PIEZO2: variants seen among roughly 807,000 people sequenced by gnomAD.
PIEZO2 encodes the protein piezo type mechanosensitive ion channel component 2.
A neutral mutation model predicts 337.3 loss-of-function variants in PIEZO2; 172 were observed. The observed-to-expected ratio is 0.51, with a 90% CI of 0.45 to 0.58. The LOEUF (loss-of-function observed/expected upper bound fraction) is 0.58, where lower values mean the gene tolerates loss of function less well. PIEZO2 is among the 20% of genes least tolerant of loss of function. The pLI is 0.00. For missense variants in PIEZO2, 3,028 were observed against 3,391.3 expected, an observed-to-expected ratio of 0.89 and a Z score of 2.66; for synonymous variants, 1,251 against 1,228.5, an observed-to-expected ratio of 1.02 and a Z score of -0.38.
rs951851277 is a variant in PIEZO2 at position 10,714,910 on chromosome 18, C to T, written c.5277G>A (p.Glu1759=). ...EIKKGNVPTR[E]SIHMYYQNHI... ...GGTTCTGATAGTACATGTGGATGCT[C>T]TCCCGAGTTGGAACATTGCCCTGAG... The change falls in exon 39 of 56, where the codon GAG becomes GAA. Residue 1759 remains glutamate (E), a synonymous_variant. Coordinates refer to ENST00000674853, the MANE Select transcript of PIEZO2 (RefSeq NM_001378183.1). 4 of 1,536,984 alleles carry T rather than the reference C, an allele frequency of 2.6e-6. No individual in the cohort carries two copies. The Admixed American group carries it at 7.8e-5, about 30-fold the overall frequency.
At chr18:10,875,050 A>T (rs2042235244) in intron 4 of PIEZO2, among the ~76,000 whole-genome samples, 1 of 152,170 alleles carries the variant, frequency 6.6e-6, no homozygotes, top group Admixed American at 6.5e-5. Flanking sequence ...TATTGTATGA[A>T]TGTATCCAAT....
chr18:10,843,314 T>C (rs562505082), intron 7 of PIEZO2, among the ~76,000 whole-genome samples: 141 of 151,746 alleles, frequency 9.3e-4, no homozygotes, highest in African/African-American at 3.3e-3. Flanking sequence ...TCATTTCTTA[T>C]ACGCTCACAC....
Position 11,092,234 on chromosome 18 carries a change from A to T in PIEZO2, c.65-26012T>A, listed in dbSNP as rs1331131899. Among the ~76,000 whole-genome samples, 4 of 152,378 alleles carry T rather than the reference A, an allele frequency of 2.6e-5. No homozygotes were observed. The highest frequency in any genetic ancestry group is 6.5e-5 in the Admixed American group (1 of 15,312). On this transcript the variant is annotated intron_variant, in intron 1 of 55. Transcript: ENST00000674853. The surrounding 1 kb of genome is among the most constrained non-coding windows in gnomAD (Gnocchi z 4.5). ...TTACAAAAACAAAGAACAGGAAATA[A>T]CAATGGGAAAATGGTTGAAGATATT...
chr18:10,843,237 A>G (rs1205139808), intron 7 of PIEZO2, among the ~76,000 whole-genome samples: 1 of 152,162 alleles, frequency 6.6e-6, no homozygotes, highest in Non-Finnish European at 1.5e-5. Flanking sequence ...ACTTTCCAAT[A>G]AAAAGTTTGA....
At chr18:10,737,285 G>GAAAAAAAAAA (rs372133058) in intron 33 of PIEZO2, among the ~76,000 whole-genome samples, 8 of 64,200 alleles carry the variant, frequency 1.2e-4, no homozygotes, top group African/African-American at 8.0e-4. Context: ...CAAGACATTT[G>GAAAAAAAAAA]AAAAAAAAAA....
At position 10,677,151 on chromosome 18, in the gene PIEZO2, T is replaced by C; in HGVS notation, c.8081+596A>G. ...AATGGAAGCCCCAGCGGGCCAGCAC[T>C]TTCCATGCACTGATGAGCTCCCTGT... On this transcript the variant is annotated intron_variant, in intron 53 of 55. Transcript: ENST00000674853. This position sits in a 1 kb window ranked among gnomAD's most constrained non-coding sequence, Gnocchi z 4.1. 6.6e-6 allele frequency among the ~76,000 whole-genome samples: 1 copy of C among 152,220 alleles called. No homozygotes were observed. The highest frequency in any genetic ancestry group is 1.9e-4 in the East Asian group (1 of 5,198).
At chr18:11,056,310 CACCT>C (rs1046087989) in intron 2 of PIEZO2, among the ~76,000 whole-genome samples, 1 of 152,174 alleles carries the variant, frequency 6.6e-6, no homozygotes. Context: ...GTCAAGGAAA[CACCT>C]CCCAGCTGCT....
intron 17 of PIEZO2, 43 bp from the exon 18 acceptor site, chr18:10,780,409 C>G (rs1458603354): frequency 5.7e-6 from 4 of 702,688 alleles, no homozygotes. Context: ...AATGAGGAGA[C>G]AGGTTGGAGA....
chr18:10,720,354 A>T (rs1344505679), intron 36 of PIEZO2, among the ~76,000 whole-genome samples: 2 of 117,300 alleles, frequency 1.7e-5, no homozygotes, highest in South Asian at 2.8e-4. Flanking sequence ...TATATGTCCT[A>T]TATATATTCT....
At chr18:10,722,600 A>G (rs1164543625) in intron 36 of PIEZO2, among the ~76,000 whole-genome samples, 1 of 152,044 alleles carries the variant, frequency 6.6e-6, no homozygotes, top group African/African-American at 2.4e-5. Context: ...TTGACACAAG[A>G]AAAAAAATAA....
At chr18:11,011,659 CTA>C (rs1001035931) in intron 2 of PIEZO2, among the ~76,000 whole-genome samples, 4 of 152,134 alleles carry the variant, frequency 2.6e-5, no homozygotes, top group African/African-American at 9.7e-5. Flanking sequence ...ATTCATTTTT[CTA>C]TCTCTTAACT....
chr18:11,091,721 G>C (rs1046133789), intron 1 of PIEZO2, among the ~76,000 whole-genome samples: 7 of 152,184 alleles, frequency 4.6e-5, no homozygotes, highest in Non-Finnish European at 2.9e-5. Flanking sequence ...CTAGAAAGGG[G>C]TTTGTTCTTG....
At chr18:11,065,363 G>A (rs1463137723) in intron 2 of PIEZO2, among the ~76,000 whole-genome samples, 4 of 152,140 alleles carry the variant, frequency 2.6e-5, no homozygotes, top group Admixed American at 6.5e-5. Context: ...GGCACAGGCC[G>A]TACTTCTCAT....
At chr18:10,684,072 TCC>T (rs1486172699) in intron 49 of PIEZO2, among the ~76,000 whole-genome samples, 56 of 126,354 alleles carry the variant, frequency 4.4e-4, no homozygotes, top group East Asian at 8.0e-4. Flanking sequence ...CTTCCTTCCT[TCC>T]TTTTTCCTTC....
intron 3 of PIEZO2, among the ~76,000 whole-genome samples, chr18:10,965,345 G>A (rs1598753785): frequency 6.6e-6 from 1 of 152,070 alleles, no homozygotes; most frequent in Non-Finnish European, 1.5e-5. Context: ...CCATCTTATT[G>A]AGTGTAACAC....
intron 2 of PIEZO2, among the ~76,000 whole-genome samples, chr18:10,997,362 A>C (rs1407922899): frequency 6.6e-6 from 1 of 152,246 alleles, no homozygotes; most frequent in Non-Finnish European, 1.5e-5. Context: ...ATATAATCCC[A>C]AATTATTTGA....
chr18:10,875,765 A>G (rs532759527), intron 4 of PIEZO2, among the ~76,000 whole-genome samples: 1 of 152,328 alleles, frequency 6.6e-6, no homozygotes, highest in Admixed American at 6.5e-5. Flanking sequence ...TTAAGCCCCA[A>G]TTTGCAAACA....
chr18:11,023,909 C>A (rs1294269324), intron 2 of PIEZO2, among the ~76,000 whole-genome samples: 2 of 152,202 alleles, frequency 1.3e-5, no homozygotes, highest in Non-Finnish European at 2.9e-5. Flanking sequence ...CCCTCATTGC[C>A]CGGGGCCGGC....
At position 10,813,949 on chromosome 18, in the gene PIEZO2, G is replaced by A. The variant is rs961341514; in HGVS notation, c.918-6675C>T. ...GCTTTTCAGAGTAGTCATCCTAATAGGTGTGAGATGGGACACCATATATTT... is the reference window on the plus strand; with the variant it reads ...GCTTTTCAGAGTAGTCATCCTAATAAGTGTGAGATGGGACACCATATATTT... On this transcript the variant is annotated intron_variant, in intron 7 of 55. Coordinates refer to ENST00000674853, the MANE Select transcript of PIEZO2 (RefSeq NM_001378183.1). This position sits in a 1 kb window ranked among gnomAD's most constrained non-coding sequence, Gnocchi z 4.2. 6.6e-6 allele frequency among the ~76,000 whole-genome samples: 1 copy of A among 151,718 alleles called. No individual in the cohort carries two copies. Among genetic ancestry groups the A allele is most frequent in the African/African-American group, 2.4e-5 (1 of 41,262 alleles).
Sources: gnomAD v4.1 joint callset for allele counts (sites outside exome capture counted in the v4.1 genomes callset) on GRCh38, gnomAD v4.1.1 for gene constraint, Gnocchi (gnomAD v3.1) non-coding constraint, MANE v1.5 for transcripts, NCBI Gene and HGNC (gene_info 2026-07-23, HGNC 2026-07-21) for gene names.